The following DISC1 variants were observed in gnomAD, a reference collection of about 807,000 sequenced individuals.
DISC1 encodes DISC1 scaffold protein, also known as disrupted in schizophrenia 1 protein.
DISC1 carries 57 observed loss-of-function variants against 84.5 expected under a neutral mutation model. That is an observed-to-expected ratio of 0.67 (90% CI 0.55 to 0.84). The LOEUF is 0.84. DISC1 is among the 40% of genes least tolerant of loss of function. The probability of loss-of-function intolerance (pLI) is 0.00; values close to 1 mark genes in which losing one functional copy is unlikely to be tolerated. For missense variants in DISC1, 1,000 were observed against 1,057.8 expected (o/e 0.95, Z 0.76); for synonymous variants, 411 against 415.2 (o/e 0.99, Z 0.12).
intron 9 of DISC1, among the ~76,000 whole-genome samples, chr1:231,887,588 A>G (rs1190225789): frequency 2.6e-5 from 4 of 152,242 alleles, no homozygotes; most frequent in East Asian, 3.8e-4. Context: ...GAGTTATACC[A>G]TTAAGTCTAC....
At chr1:231,945,646 A>G (rs1279554360) in intron 9 of DISC1, among the ~76,000 whole-genome samples, 1 of 152,168 alleles carries the variant, frequency 6.6e-6, no homozygotes, top group African/African-American at 2.4e-5. Flanking sequence ...GACAAGAAAA[A>G]CCTTTCAAAA....
In DISC1 at chr1:231,781,293, G is replaced by GTTA. The variant is rs76984779; in HGVS notation, c.1634+10224_1634+10225insTAT. Among the ~76,000 whole-genome samples, 121 of 150,492 alleles carry GTTA rather than the reference G, an allele frequency of 8.0e-4. 1 individual carries two copies. The highest frequency in any genetic ancestry group is 2.8e-3 in the African/African-American group (116 of 41,054). On this transcript the variant is annotated intron_variant, in intron 6 of 12. Transcript: ENST00000439617. ...AAAAAATGGATATGTATTTTATAAT[G>GTTA]TATTTTAATATTTTACAAATTCTCT...
chr1:232,003,078 A>C (rs1754602), intron 10 of DISC1, among the ~76,000 whole-genome samples: 43,329 of 152,042 alleles, frequency 0.28, 6,427 homozygotes, highest in African/African-American at 0.33. Context: ...AGAAAAATAG[A>C]AAAAAAGAAG....
chr1:231,920,731 G>A (rs2089944714), intron 9 of DISC1, among the ~76,000 whole-genome samples: 1 of 152,058 alleles, frequency 6.6e-6, no homozygotes, highest in African/African-American at 2.4e-5. Flanking sequence ...ATGACCACTG[G>A]TGCATAGGAA....
intron 2 of DISC1, among the ~76,000 whole-genome samples, chr1:231,700,577 A>T (rs1480073674): frequency 6.6e-6 from 1 of 152,216 alleles, no homozygotes; most frequent in Non-Finnish European, 1.5e-5. Flanking sequence ...GTCAAAAGTT[A>T]TACACAGATT....
At chr1:231,744,513 C>T (rs1360437864) in intron 3 of DISC1, among the ~76,000 whole-genome samples, 2 of 152,026 alleles carry the variant, frequency 1.3e-5, no homozygotes, top group Non-Finnish European at 1.5e-5. Flanking sequence ...GATACCAACA[C>T]TTTATTAGCA....
At chr1:232,006,151 T>G (rs1667410523) in intron 10 of DISC1, among the ~76,000 whole-genome samples, 1 of 152,170 alleles carries the variant, frequency 6.6e-6, no homozygotes, top group African/African-American at 2.4e-5. Context: ...CACATTTACA[T>G]TGCGTGCTGG....
intron 9 of DISC1, among the ~76,000 whole-genome samples, chr1:231,881,225 T>C (rs1287019960): frequency 2.0e-5 from 3 of 152,200 alleles, no homozygotes; most frequent in Non-Finnish European, 4.4e-5. Flanking sequence ...GGCCTCTGCA[T>C]TGGTCTGCTT....
intron 12 of DISC1, among the ~76,000 whole-genome samples, chr1:232,036,348 C>T (rs1186827664): frequency 6.6e-6 from 1 of 152,134 alleles, no homozygotes; most frequent in Non-Finnish European, 1.5e-5. Flanking sequence ...ACAGTTGCCC[C>T]ACCCCAACTT....
chr1:231,876,534 G>A (rs1326867988), intron 9 of DISC1, among the ~76,000 whole-genome samples: 1 of 152,150 alleles, frequency 6.6e-6, no homozygotes, highest in Non-Finnish European at 1.5e-5. Flanking sequence ...TAAGTTCATA[G>A]CAAGATGTAG....
Position 231,860,881 on chromosome 1 carries a change from C to T in DISC1, c.1981+42364C>T, listed in dbSNP as rs201879627. On this transcript the variant is annotated intron_variant, in intron 9 of 12. Coordinates refer to ENST00000439617, the MANE Select transcript of DISC1 (RefSeq NM_018662.3). ...AAGCCAGTTTCATCCTCTTGCAATA[C>T]AGTAACCTGTGTCAGCAGAGTCCTG... Among the ~76,000 whole-genome samples, 46 of 152,192 alleles carry T rather than the reference C, an allele frequency of 3.0e-4. 1 individual carries two copies. The highest frequency in any genetic ancestry group is 6.0e-4 in the Non-Finnish European group (41 of 68,040).
intron 9 of DISC1, among the ~76,000 whole-genome samples, chr1:231,855,891 T>C (rs1371396823): frequency 6.6e-6 from 1 of 152,232 alleles, no homozygotes; most frequent in African/African-American, 2.4e-5. Context: ...AGGCCATTAA[T>C]TTTATGTGAT....
chr1:231,643,697 G>A (rs926251724), intron 1 of DISC1, among the ~76,000 whole-genome samples: 2 of 152,152 alleles, frequency 1.3e-5, no homozygotes, highest in Non-Finnish European at 2.9e-5. Context: ...AATTCTCTTC[G>A]TCTGTAAGAT....
At chr1:231,769,277 T>C (rs534093594) in intron 5 of DISC1, among the ~76,000 whole-genome samples, 57 of 152,264 alleles carry the variant, frequency 3.7e-4, no homozygotes, top group African/African-American at 1.3e-3. Flanking sequence ...TATATCTGTC[T>C]CAAAAAAATT....
chr1:231,694,713 G>A lies in DISC1; in HGVS notation c.955G>A (p.Gly319Ser), dbSNP rs756994353. Reference sequence around the variant, plus strand: ...TGGCTGTGGTGGTGATGGGAGCAGCGGCTCAGGGGATGCCCACTCTTGGGA... The same window carrying A: ...TGGCTGTGGTGGTGATGGGAGCAGCAGCTCAGGGGATGCCCACTCTTGGGA... Reference protein sequence around the residue: ...LAGCGGDGSSGSGDAHSWDTL... With the variant: ...LAGCGGDGSSSSGDAHSWDTL... Residue 319 changes from glycine to serine, a missense_variant, in exon 2 of 13, where the codon GGC becomes AGC. This residue lies in a region of DISC1 where 311 missense variants were observed against 400.1 expected (regional missense o/e 0.78). Coordinates refer to ENST00000439617, the MANE Select transcript of DISC1 (RefSeq NM_018662.3). The A allele has an allele frequency of 6.8e-6, 11 of 1,614,042 alleles. No homozygotes were observed. Among genetic ancestry groups the A allele is most frequent in the South Asian group, 5.5e-5 (5 of 91,086 alleles).
At chr1:231,672,495 C>G (rs1413114383) in intron 1 of DISC1, among the ~76,000 whole-genome samples, 2 of 152,182 alleles carry the variant, frequency 1.3e-5, no homozygotes, top group Admixed American at 1.3e-4. Context: ...GCCCTAGATA[C>G]TGGGCACTTC....
At position 231,826,939 on chromosome 1, in the gene DISC1, G is replaced by A. The variant is rs1248113316; in HGVS notation, c.1981+8422G>A. On this transcript the variant is annotated intron_variant, in intron 9 of 12. Coordinates refer to ENST00000439617, the MANE Select transcript of DISC1 (RefSeq NM_018662.3). This position sits in a 1 kb window ranked among gnomAD's most constrained non-coding sequence, Gnocchi z 4.2. ...AGGAATTCAATTTGCAACATGTGAT[G>A]TCAATCTTTCTAGGCTTCTTTTGAG... Among the ~76,000 whole-genome samples, 2 of 152,280 alleles carry A rather than the reference G, an allele frequency of 1.3e-5. No individual in the cohort carries two copies. Among genetic ancestry groups the A allele is most frequent in the East Asian group, 3.9e-4 (2 of 5,184 alleles).
At chr1:231,951,378 A>G (rs777477378) in intron 9 of DISC1, among the ~76,000 whole-genome samples, 2 of 152,204 alleles carry the variant, frequency 1.3e-5, no homozygotes, top group African/African-American at 2.4e-5. Flanking sequence ...TTGGAGGGAA[A>G]TGATTTGGAA....
chr1:231,979,065 A>C (rs1017365432), intron 10 of DISC1, among the ~76,000 whole-genome samples: 1 of 151,924 alleles, frequency 6.6e-6, no homozygotes, highest in Non-Finnish European at 1.5e-5. Flanking sequence ...TTCTCCTAGG[A>C]GCCTGAACCC....
Sources: gnomAD v4.1 joint callset for allele counts (sites outside exome capture counted in the v4.1 genomes callset) on GRCh38, gnomAD v4.1.1 for gene constraint, gnomAD v4.1.1 regional missense constraint, Gnocchi (gnomAD v3.1) non-coding constraint, MANE v1.5 for transcripts, NCBI Gene and HGNC (gene_info 2026-07-23, HGNC 2026-07-21) for gene names.